Variants in INPP4B observed in about 807,000 individuals in gnomAD.
INPP4B encodes the protein inositol polyphosphate-4-phosphatase type II B.
A neutral mutation model predicts 122.5 loss-of-function variants in INPP4B; 55 were observed. The observed-to-expected ratio is 0.45, with a 90% confidence interval of 0.36 to 0.56. The LOEUF (loss-of-function observed/expected upper bound fraction) is 0.56. INPP4B is among the 20% of genes least tolerant of loss of function. The probability of loss-of-function intolerance (pLI) is 0.00; values close to 1 mark genes in which losing one functional copy is unlikely to be tolerated. For synonymous variants in INPP4B, 403 were observed against 388.7 expected, an observed-to-expected ratio of 1.04 and a Z score of -0.43; for missense variants, 1,000 against 1,097.7, an observed-to-expected ratio of 0.91 and a Z score of 1.26.
intron 12 of INPP4B, 43 bp downstream of exon 12, chr4:142,237,821 T>A (rs750681423): frequency 2.4e-5 from 29 of 1,216,714 alleles, no homozygotes; most frequent in Non-Finnish European, 3.2e-5. Flanking sequence ...TTTTAAATGG[T>A]ATAAAATAAT....
At chr4:142,100,110 C>T (rs1295247799) in intron 23 of INPP4B, among the ~76,000 whole-genome samples, 1 of 152,124 alleles carries the variant, frequency 6.6e-6, no homozygotes, top group Non-Finnish European at 1.5e-5. Context: ...TGATGCTGAT[C>T]AATCGCTGAT....
intron 12 of INPP4B, among the ~76,000 whole-genome samples, chr4:142,209,451 TAGTC>T (rs1843934712): frequency 6.6e-6 from 1 of 151,910 alleles, no homozygotes; most frequent in Non-Finnish European, 1.5e-5. Context: ...ATGAGATACT[TAGTC>T]AATTCAGTTT....
intron 2 of INPP4B, among the ~76,000 whole-genome samples, chr4:142,537,682 T>G (rs564385389): frequency 6.6e-6 from 1 of 151,718 alleles, no homozygotes; most frequent in South Asian, 2.1e-4. Flanking sequence ...GATAAAAAAT[T>G]GGTTTCATTA....
In INPP4B at chr4:142,443,172, C is replaced by A. The variant is rs140976335; in HGVS notation, c.-126-11787G>T. On this transcript the variant is annotated intron_variant, in intron 3 of 25. Transcript: ENST00000262992. ...AGAATTCAGCCAAAATATATAATGT[C>A]ATCTGTGGGCTAGCATGAGAATATA... Among the ~76,000 whole-genome samples, 30 of 152,254 alleles carry A rather than the reference C, an allele frequency of 2.0e-4. 1 individual carries two copies. The highest frequency in any genetic ancestry group is 6.3e-4 in the African/African-American group (26 of 41,560).
chr4:142,665,876 C>A (rs1755959206), intron 2 of INPP4B, among the ~76,000 whole-genome samples: 1 of 152,088 alleles, frequency 6.6e-6, no homozygotes, highest in Admixed American at 6.5e-5. Flanking sequence ...ATGCCTAAAA[C>A]CATGGATAGC....
chr4:142,836,286 C>T (rs1782760568), intron 1 of INPP4B, among the ~76,000 whole-genome samples: 1 of 151,960 alleles, frequency 6.6e-6, no homozygotes, highest in African/African-American at 2.4e-5. Flanking sequence ...AACACACACA[C>T]ACATCAGAGA....
At chr4:142,195,691 C>T (rs1199031664) in intron 14 of INPP4B, among the ~76,000 whole-genome samples, 1 of 152,080 alleles carries the variant, frequency 6.6e-6, no homozygotes, top group Non-Finnish European at 1.5e-5. Flanking sequence ...CAAAACATTG[C>T]CTGTAGCCTC....
chr4:142,803,121 G>A (rs1234733740), intron 1 of INPP4B, among the ~76,000 whole-genome samples: 12 of 140,606 alleles, frequency 8.5e-5, no homozygotes, highest in Admixed American at 8.2e-4. Flanking sequence ...GCCGTAAGCC[G>A]AAATTGCACC....
intron 11 of INPP4B, among the ~76,000 whole-genome samples, chr4:142,256,497 A>T (rs1352994966): frequency 6.6e-6 from 1 of 152,202 alleles, no homozygotes; most frequent in Non-Finnish European, 1.5e-5. Flanking sequence ...AATCAAATAG[A>T]TGCAATAAAA....
At position 142,119,789 on chromosome 4, in the gene INPP4B, G is replaced by GTA. The variant is rs769777692; in HGVS notation, c.2135+2337_2135+2338dup. On this transcript the variant is annotated intron_variant, in intron 21 of 25. Coordinates refer to ENST00000262992, the MANE Select transcript of INPP4B (RefSeq NM_001101669.3). ...GTGCACATGTAGCCTAGAACTTAAA[G>GTA]TATATATACACACACACACACACAC... Among the ~76,000 whole-genome samples the GTA allele has an allele frequency of 5.2e-3, 119 of 22,792 alleles. 2 individuals are homozygous for GTA. Among genetic ancestry groups the GTA allele is most frequent in the East Asian group, 0.05 (8 of 160 alleles). 15.0% of individuals were successfully genotyped at this position (22,792 alleles called of 152,430 possible). A position where few individuals can be genotyped will look rare whatever the true frequency, so the allele number is the denominator to read the frequency against.
chr4:142,245,955 T>C (rs1728176317), intron 11 of INPP4B, among the ~76,000 whole-genome samples: 1 of 26,972 alleles, frequency 3.7e-5, no homozygotes, highest in African/African-American at 7.6e-5. Context: ...TATACATATA[T>C]ATGTGTATGT....
At chr4:142,231,080 C>T (rs1389074418) in intron 12 of INPP4B, among the ~76,000 whole-genome samples, 2 of 152,274 alleles carry the variant, frequency 1.3e-5, no homozygotes, top group Non-Finnish European at 2.9e-5. Flanking sequence ...GTATCACAAC[C>T]CTGAGACTTT....
At chr4:142,716,746 G>C (rs1384105088) in intron 2 of INPP4B, among the ~76,000 whole-genome samples, 1 of 152,124 alleles carries the variant, frequency 6.6e-6, no homozygotes, top group East Asian at 1.9e-4. Context: ...TATGTAGGAT[G>C]GATTTCTGGC....
intron 2 of INPP4B, among the ~76,000 whole-genome samples, chr4:142,543,140 A>G (rs1829133260): frequency 6.6e-6 from 1 of 152,206 alleles, no homozygotes; most frequent in Admixed American, 6.5e-5. Context: ...GTTTACACAT[A>G]CAAATTAAAG....
At chr4:142,786,304 G>A (rs982833345) in intron 1 of INPP4B, among the ~76,000 whole-genome samples, 1 of 152,084 alleles carries the variant, frequency 6.6e-6, no homozygotes, top group African/African-American at 2.4e-5. Context: ...CTATACCAAA[G>A]GAGCAGAGGA....
intron 2 of INPP4B, among the ~76,000 whole-genome samples, chr4:142,509,922 C>G (rs562500251): frequency 6.6e-6 from 1 of 151,848 alleles, no homozygotes; most frequent in African/African-American, 2.4e-5. Context: ...CATTAAGAGG[C>G]GAAAATGGGA....
intron 2 of INPP4B, chr4:142,514,268 G>A (rs1825125349): frequency 6.6e-6 from 1 of 152,148 alleles, no homozygotes; most frequent in South Asian, 2.1e-4. Context: ...GTCTTCCTCA[G>A]GTCCATCTCG....
intron 11 of INPP4B, among the ~76,000 whole-genome samples, chr4:142,254,919 G>A (rs533826121): frequency 7.2e-5 from 11 of 151,978 alleles, no homozygotes; most frequent in South Asian, 6.2e-4. Context: ...CACCAAAGTG[G>A]AAATGAAGGA....
chr4:142,845,945 G>T (rs1027937803), intron 1 of INPP4B, among the ~76,000 whole-genome samples: 3 of 151,876 alleles, frequency 2.0e-5, no homozygotes, highest in South Asian at 4.2e-4. Flanking sequence ...GCAGAGGGGC[G>T]CTCGGCGAGA....
Sources: gnomAD v4.1 joint callset for allele counts (sites outside exome capture counted in the v4.1 genomes callset) on GRCh38, gnomAD v4.1.1 for gene constraint, MANE v1.5 for transcripts, NCBI Gene and HGNC (gene_info 2026-07-23, HGNC 2026-07-21) for gene names.